Variants in LRP1B observed in about 807,000 individuals in gnomAD.
LRP1B encodes the protein LDL receptor related protein 1B.
In LRP1B, 217 loss-of-function variants were observed where a neutral mutation model predicts 556.6. The ratio of observed to expected loss-of-function variants is 0.39; its 90% CI spans 0.35 to 0.44. The LOEUF is 0.44. Among genes scored for constraint, LRP1B ranks in the 20% least tolerant of loss-of-function variants. The pLI is 1.00. For missense variants in LRP1B, 5,053 were observed against 5,620.8 expected (o/e 0.90, Z 3.23); for synonymous variants, 2,047 against 1,865.8 (o/e 1.10, Z -2.50).
At position 140,376,877 on chromosome 2, in the gene LRP1B, A is replaced by T. The variant is rs141265606; in HGVS notation, c.10638+1303T>A. Reference sequence around the variant, plus strand: ...CAGAGACCTGTAGTATCTCCCACAGAGGCATGAAATCAGTGGATGCCTAGG... The same window carrying T: ...CAGAGACCTGTAGTATCTCCCACAGTGGCATGAAATCAGTGGATGCCTAGG... On this transcript the variant is annotated intron_variant, in intron 68 of 90. Coordinates refer to ENST00000389484, the MANE Select transcript of LRP1B (RefSeq NM_018557.3). Among the ~76,000 whole-genome samples the T allele has an allele frequency of 2.4e-3, 369 of 152,266 alleles. 2 individuals are homozygous for T. The highest frequency in any genetic ancestry group is 8.0e-3 in the African/African-American group (333 of 41,556).
intron 27 of LRP1B, among the ~76,000 whole-genome samples, chr2:140,860,110 G>C (rs1206430960): frequency 1.3e-5 from 2 of 152,174 alleles, no homozygotes; most frequent in Non-Finnish European, 2.9e-5. Flanking sequence ...ATTAAAAGGA[G>C]AACAGAAAGA....
chr2:140,428,349 A>C (rs1357675616), intron 66 of LRP1B, among the ~76,000 whole-genome samples: 1 of 152,112 alleles, frequency 6.6e-6, no homozygotes. Context: ...CACACAAGAA[A>C]TTCCAAACGC....
intron 7 of LRP1B, among the ~76,000 whole-genome samples, chr2:141,147,323 C>T (rs889243840): frequency 6.6e-6 from 1 of 152,092 alleles, no homozygotes; most frequent in African/African-American, 2.4e-5. Flanking sequence ...ATTCTTAAAC[C>T]ATGTGAGGTT....
intron 2 of LRP1B, among the ~76,000 whole-genome samples, chr2:141,713,761 T>C (rs556252665): frequency 6.6e-5 from 10 of 152,330 alleles, no homozygotes; most frequent in African/African-American, 2.2e-4. Flanking sequence ...ATTTTTCTCA[T>C]ATGAGTCATA....
At chr2:141,079,831 T>G (rs553846594) in intron 7 of LRP1B, among the ~76,000 whole-genome samples, 1 of 152,344 alleles carries the variant, frequency 6.6e-6, no homozygotes, top group African/African-American at 2.4e-5. Flanking sequence ...AATTGTGGTT[T>G]TGCCATTGAA....
At position 140,698,462 on chromosome 2, in the gene LRP1B, AAAATAATAACAAG is replaced by A. The variant is rs539307616; in HGVS notation, c.6799+1775_6799+1787del. On this transcript the variant is annotated intron_variant, in intron 41 of 90. Transcript: ENST00000389484. ...TCTAAGAAAAGTAACTATTTCTTCA[AAAATAATAACAAG>A]AAATAATAACAAGAAATCATTGTTT... Among the ~76,000 whole-genome samples, 370 of 152,216 alleles carry A rather than the reference AAAATAATAACAAG, an allele frequency of 2.4e-3. 1 individual carries two copies. The highest frequency in any genetic ancestry group is 4.2e-3 in the Non-Finnish European group (286 of 67,964).
intron 32 of LRP1B, among the ~76,000 whole-genome samples, chr2:140,784,103 A>C (rs1689800581): frequency 6.6e-6 from 1 of 152,110 alleles, no homozygotes. Flanking sequence ...CCTTTTTAAA[A>C]ATGTCTGGGT....
intron 1 of LRP1B, among the ~76,000 whole-genome samples, chr2:141,964,574 C>T (rs929042501): frequency 1.3e-5 from 2 of 151,940 alleles, no homozygotes; most frequent in African/African-American, 2.4e-5. Context: ...CCCTTCCTTA[C>T]ACCTTATACA....
At chr2:140,817,393 T>G (rs577181797) in intron 31 of LRP1B, among the ~76,000 whole-genome samples, 2 of 152,088 alleles carry the variant, frequency 1.3e-5, no homozygotes, top group Admixed American at 1.3e-4. Context: ...TTACTTATCT[T>G]TTCTATTTTT....
intron 74 of LRP1B, among the ~76,000 whole-genome samples, 194 bp from the exon 75 acceptor site, chr2:140,356,670 A>T (rs1682238277): frequency 6.6e-6 from 1 of 151,840 alleles, no homozygotes; most frequent in African/African-American, 2.4e-5. Flanking sequence ...TAAACTCATT[A>T]ACATTAAATA....
intron 29 of LRP1B, among the ~76,000 whole-genome samples, chr2:140,848,928 T>C (rs1322255553): frequency 2.0e-5 from 3 of 152,166 alleles, no homozygotes; most frequent in African/African-American, 4.8e-5. Flanking sequence ...ATTTTTGTAA[T>C]GGTTAGTTGT....
chr2:140,330,894 G>C (rs1680775612), intron 79 of LRP1B, among the ~76,000 whole-genome samples: 1 of 152,006 alleles, frequency 6.6e-6, no homozygotes, highest in African/African-American at 2.4e-5. Context: ...CCAGTAAAAA[G>C]TGTGCAAAGG....
At chr2:142,126,414 C>G (rs1468419897) in intron 1 of LRP1B, among the ~76,000 whole-genome samples, 1 of 151,670 alleles carries the variant, frequency 6.6e-6, no homozygotes, top group African/African-American at 2.4e-5. Context: ...AGCAGATATA[C>G]AGACACACAT....
At chr2:140,363,872 G>C (rs1029770578) in intron 72 of LRP1B, among the ~76,000 whole-genome samples, 1 of 151,450 alleles carries the variant, frequency 6.6e-6, no homozygotes, top group Non-Finnish European at 1.5e-5. Flanking sequence ...TATTTACCTG[G>C]TGTGCCACTG....
rs1160710219 is a variant in LRP1B at position 141,229,208 on chromosome 2, T to C, written c.825A>G (p.Thr275=). The C allele has an allele frequency of 6.2e-7, 1 of 1,613,184 alleles. No individual in the cohort carries two copies. The highest frequency in any genetic ancestry group is 1.7e-5 in the Admixed American group (1 of 59,938). Residue 275 remains threonine (T), a synonymous_variant, in exon 6 of 91, where the codon ACA becomes ACG. Transcript: ENST00000389484. ...TGTGGAAGGATTGAAGAATATTGAT[T>C]GTCCATTCATCTGTTAATCCTCCTG... is the stretch of plus-strand genomic sequence containing the variant. ...TKAGGLTDEW[T]INILQSFHNV...
chr2:140,492,735 A>T (rs1199466286), intron 56 of LRP1B, 42 bp from the exon 57 acceptor site: 3 of 1,317,372 alleles, frequency 2.3e-6, no homozygotes. Context: ...TTAAGTATGT[A>T]TGCTTTTCCC....
intron 3 of LRP1B, among the ~76,000 whole-genome samples, chr2:141,274,630 T>C (rs1685215066): frequency 6.6e-6 from 1 of 152,172 alleles, no homozygotes; most frequent in Non-Finnish European, 1.5e-5. Context: ...TTTATTGCAG[T>C]GATGGTTGCA....
In LRP1B at chr2:141,029,066, CT is replaced by C. The variant is rs1215812989; in HGVS notation, c.1790-8965del. 5.9e-5 allele frequency among the ~76,000 whole-genome samples: 9 copies of C among 152,174 alleles called. 1 individual carries two copies. The South Asian group carries it at 1.7e-3, about 28-fold the overall frequency. The stretch of plus-strand genomic sequence containing the variant: ...TTACAGAAGAGAGGCATGGGGGCAT[CT>C]GATGGAAGAACGTTCCAGACACAGA... On this transcript the variant is annotated intron_variant, in intron 11 of 90. Coordinates refer to ENST00000389484, the MANE Select transcript of LRP1B (RefSeq NM_018557.3).
rs371607353 is a variant in LRP1B at position 141,347,483 on chromosome 2, A to G, written c.344-92842T>C. ...ACCTCTTACAATTCTCTGAATAACA[A>G]CAGGGAACTATAAGAAAAATAATTT... On this transcript the variant is annotated intron_variant, in intron 3 of 90. Transcript: ENST00000389484. Among the ~76,000 whole-genome samples, 81 of 151,718 alleles carry G rather than the reference A, an allele frequency of 5.3e-4. No homozygotes were observed. The South Asian group carries it at 0.016, about 31-fold the overall frequency.
Sources: allele counts gnomAD v4.1 joint callset (sites outside exome capture counted in the v4.1 genomes callset), GRCh38; gene constraint gnomAD v4.1.1; transcripts MANE v1.5; gene names NCBI Gene and HGNC (gene_info 2026-07-23, HGNC 2026-07-21).